Variants in ATP1A4 observed in about 807,000 individuals in gnomAD.
ATP1A4 encodes the protein sodium/potassium-transporting ATPase subunit alpha-4.
In ATP1A4, 90 loss-of-function variants were observed where a neutral mutation model predicts 114.3. The ratio of observed to expected loss-of-function variants is 0.79; its 90% CI spans 0.66 to 0.94. The LOEUF is 0.94. ATP1A4 is among the 40% of genes least tolerant of loss of function. The pLI is 0.00. For synonymous variants in ATP1A4, 511 were observed against 494.1 expected (o/e 1.03, Z -0.45); for missense variants, 1,222 against 1,313.6 (o/e 0.93, Z 1.08).
At chr1:160,182,089 G>A in intron 20 of ATP1A4, 58 bp downstream of exon 20, 1 of 1,410,312 alleles carries the variant, frequency 7.1e-7, no homozygotes, top group Non-Finnish European at 1.0e-6. Context: ...GCATACAGAG[G>A]AAGGGTGTGT....
chr1:160,167,453 T>A, intron 10 of ATP1A4, 41 bp downstream of exon 10: 1 of 1,604,046 alleles, frequency 6.2e-7, no homozygotes. Context: ...GGTGGGGGGA[T>A]GGGCTTATCA....
chr1:160,168,376 T>A (rs893598322), intron 10 of ATP1A4, among the ~76,000 whole-genome samples: 11 of 77,586 alleles, frequency 1.4e-4, no homozygotes, highest in Non-Finnish European at 2.9e-4. Context: ...TCTGCTGGTA[T>A]CTTTTTTTTT....
chr1:160,153,268 G>T, intron 2 of ATP1A4, 44 bp downstream of exon 2: 1 of 1,555,850 alleles, frequency 6.4e-7, no homozygotes, highest in South Asian at 1.1e-5. Context: ...CTCCAACTCT[G>T]ACTGTGAGGC....
chr1:160,171,375 A>G lies in ATP1A4; in HGVS notation c.1616A>G (p.Asp539Gly), dbSNP rs776955295. 1.9e-6 allele frequency: 3 copies of G among 1,614,186 alleles called. No homozygotes were observed. In the Admixed American group the frequency reaches 5.0e-5, roughly 27 times the overall value. ...AATGGGCAGGAGTACTCAATGAACG[A>G]TGAAATGAAGGAAGCCTTCCAAAAT... ...LLNGQEYSMN[D>G]EMKEAFQNAY... Residue 539 changes from aspartate to glycine, a missense_variant, in exon 11 of 22, where the codon GAT (aspartate) becomes GGT (glycine). Asp to Gly is a moderately conservative substitution (Grantham distance 94). Transcript: ENST00000368081.
intron 3 of ATP1A4, among the ~76,000 whole-genome samples, chr1:160,155,823 GA>G (rs796229912): frequency 1.3e-5 from 2 of 152,078 alleles, no homozygotes; most frequent in South Asian, 4.2e-4. Context: ...GGCCTTCTCT[GA>G]CCAGGAATTT....
At chr1:160,185,400 C>T (rs1012268006) in intron 20 of ATP1A4, among the ~76,000 whole-genome samples, 1 of 152,034 alleles carries the variant, frequency 6.6e-6, no homozygotes, top group Non-Finnish European at 1.5e-5. Context: ...TGTGAGCCAT[C>T]ATGCCTGGCT....
chr1:160,166,804 CCAGA>C, intron 8 of ATP1A4, 78 bp downstream of exon 8: 1 of 1,581,494 alleles, frequency 6.3e-7, no homozygotes. Flanking sequence ...AATGGTGAGT[CCAGA>C]CAGACAGGAG....
intron 12 of ATP1A4, among the ~76,000 whole-genome samples, chr1:160,172,571 T>C (rs11265342): frequency 6.6e-6 from 1 of 152,032 alleles, no homozygotes; most frequent in Non-Finnish European, 1.5e-5. Context: ...TGAGGTGTTC[T>C]GTGTCCCATG....
At position 160,180,582 on chromosome 1, in the gene ATP1A4, C is replaced by T. The variant is rs189998797; in HGVS notation, c.2737-1102C>T. ...AAAGAACAAATGAATGAATGAATGTCTCCTATCTGATACCACTCTTTGGGG... is the reference window on the plus strand; with the variant it reads ...AAAGAACAAATGAATGAATGAATGTTTCCTATCTGATACCACTCTTTGGGG... On this transcript the variant is annotated intron_variant, in intron 18 of 21. Transcript: ENST00000368081. Among the ~76,000 whole-genome samples the T allele has an allele frequency of 3.6e-3, 553 of 151,780 alleles. 6 individuals carry two copies. Among genetic ancestry groups the T allele is most frequent in the African/African-American group, 0.013 (528 of 41,302 alleles).
intron 6 of ATP1A4, among the ~76,000 whole-genome samples, chr1:160,161,685 T>G (rs1652867558): frequency 6.6e-6 from 1 of 152,202 alleles, no homozygotes; most frequent in East Asian, 1.9e-4. Context: ...TTTCAGCATC[T>G]TCATTCCATA....
chr1:160,165,017 A>G (rs188630231), intron 7 of ATP1A4, among the ~76,000 whole-genome samples: 1 of 152,336 alleles, frequency 6.6e-6, no homozygotes, highest in East Asian at 1.9e-4. Context: ...TTTCTCTTCT[A>G]CAGACTAGCC....
chr1:160,159,551 T>C (rs1652797590), intron 6 of ATP1A4, 25 bp downstream of exon 6: 1 of 1,582,256 alleles, frequency 6.3e-7, no homozygotes, highest in Non-Finnish European at 8.6e-7. Context: ...ATAAGTAGCA[T>C]AGATTCAAAA....
In ATP1A4 at chr1:160,166,665, C is replaced by A; in HGVS notation, c.1185C>A (p.Thr395=). The A allele has an allele frequency of 6.2e-7, 1 of 1,614,178 alleles. No individual in the cohort carries two copies. The highest frequency in any genetic ancestry group is 8.5e-7 in the Non-Finnish European group (1 of 1,180,028). Residue 395 remains threonine (T), a synonymous_variant, in exon 8 of 22, where the codon ACC becomes ACA. Coordinates refer to ENST00000368081, the MANE Select transcript of ATP1A4 (RefSeq NM_144699.4). ...GCACCCTCACCCAGAACCGCATGAC[C>A]GTCGCCCACATGTGGTTTGATATGA... ...KTGTLTQNRM[T]VAHMWFDMTV... is the part of the protein sequence containing the mutation.
chr1:160,155,962 C>T, intron 3 of ATP1A4, 83 bp from the exon 4 acceptor site: 3 of 821,158 alleles, frequency 3.7e-6, no homozygotes, highest in South Asian at 2.8e-5. Context: ...GGTGAAACTG[C>T]TGTGCCCCTT....
chr1:160,172,217 G>A (rs560354898), intron 12 of ATP1A4, among the ~76,000 whole-genome samples: 4 of 152,278 alleles, frequency 2.6e-5, no homozygotes, highest in South Asian at 2.1e-4. Flanking sequence ...GCTCCCAGGC[G>A]ATGCTGTTGC....
chr1:160,180,957 G>A (rs1383595123), intron 18 of ATP1A4, among the ~76,000 whole-genome samples: 3 of 151,630 alleles, frequency 2.0e-5, no homozygotes, highest in Admixed American at 6.6e-5. Flanking sequence ...CTCGTGATCT[G>A]CCCACCTCGG....
At chr1:160,158,932 G>A (rs2101627859) in intron 4 of ATP1A4, 70 bp from the exon 5 acceptor site, 1 of 1,522,338 alleles carries the variant, frequency 6.6e-7, no homozygotes, top group South Asian at 1.3e-5. Context: ...AATAACAGAA[G>A]GTTTTAGGCT....
At chr1:160,158,904 G>A (rs1366132830) in intron 4 of ATP1A4, 98 bp from the exon 5 acceptor site, 11 of 1,325,868 alleles carry the variant, frequency 8.3e-6, no homozygotes, top group Non-Finnish European at 1.1e-5. Flanking sequence ...AGAAAGGGGA[G>A]TAAGGAGGAG....
chr1:160,172,685 G>A (rs143948898), intron 12 of ATP1A4, among the ~76,000 whole-genome samples: 16 of 152,228 alleles, frequency 1.1e-4, no homozygotes, highest in African/African-American at 3.9e-4. Flanking sequence ...GTGTATTCTG[G>A]CTCCTAGACT....
Sources: gnomAD v4.1 joint callset for allele counts (sites outside exome capture counted in the v4.1 genomes callset) on GRCh38, gnomAD v4.1.1 for gene constraint, MANE v1.5 for transcripts, NCBI Gene and HGNC (gene_info 2026-07-23, HGNC 2026-07-21) for gene names.